Variants in FYB1 observed in about 807,000 individuals in gnomAD.
FYB1 encodes the protein FYN-binding protein 1.
In FYB1, 41 loss-of-function variants were observed where a neutral mutation model predicts 94.1. The observed-to-expected ratio is 0.44, with a 90% confidence interval of 0.34 to 0.57. The LOEUF (loss-of-function observed/expected upper bound fraction) is 0.57, where lower values mean the gene tolerates loss of function less well. Among genes scored for constraint, FYB1 ranks in the 20% least tolerant of loss-of-function variants. The pLI, the probability that FYB1 is intolerant of heterozygous loss-of-function variation, is 0.02. For missense variants in FYB1, 1,050 were observed against 976.8 expected (o/e 1.07, Z -1.00); for synonymous variants, 367 against 353.2 (o/e 1.04, Z -0.44).
At chr5:39,112,280 T>C (rs1272236835) in intron 16 of FYB1, among the ~76,000 whole-genome samples, 1 of 152,004 alleles carries the variant, frequency 6.6e-6, no homozygotes, top group African/African-American at 2.4e-5. Flanking sequence ...TGCTTTCATT[T>C]TGGATTTTTT....
intron 2 of FYB1, among the ~76,000 whole-genome samples, chr5:39,179,692 T>C (rs1305950474): frequency 6.6e-6 from 1 of 152,066 alleles, no homozygotes; most frequent in African/African-American, 2.4e-5. Flanking sequence ...TCTACCAGGC[T>C]GGTCTCAAAC....
At chr5:39,193,839 G>A (rs535807301) in intron 2 of FYB1, among the ~76,000 whole-genome samples, 1 of 152,308 alleles carries the variant, frequency 6.6e-6, no homozygotes, top group South Asian at 2.1e-4. Context: ...CCCTGGAGAC[G>A]AGCACAGCTA....
rs191506218 is a variant in FYB1 at position 39,170,325 on chromosome 5, C to G, written c.1136-16721G>C. ...CTGTCTTTCCAGCAAGATCAACAAA[C>G]CAAGACATGATGGCAGCAGAATAAT... On this transcript the variant is annotated intron_variant, in intron 2 of 18. Transcript: ENST00000512982. 7,432 of 1,348,344 alleles carry G rather than the reference C, an allele frequency of 5.5e-3. 31 individuals carry two copies. Among genetic ancestry groups the G allele is most frequent in the Non-Finnish European group, 6.4e-3 (6,346 of 994,172 alleles). The allele number at this position is 1,348,344 out of a possible 1,614,324, so 83.5% of individuals were successfully genotyped here.
At chr5:39,109,614 C>T (rs1035696509) in intron 17 of FYB1, among the ~76,000 whole-genome samples, 2 of 152,076 alleles carry the variant, frequency 1.3e-5, no homozygotes, top group East Asian at 3.9e-4. Context: ...TGATTGGTGT[C>T]AGGTTGTTGA....
chr5:39,203,285 A>G (rs1011405335), intron 1 of FYB1, among the ~76,000 whole-genome samples: 2 of 152,080 alleles, frequency 1.3e-5, no homozygotes, highest in African/African-American at 4.8e-5. Flanking sequence ...ATCTTGTTGG[A>G]TTTACTCTAA....
chr5:39,133,771 G>C (rs965182550), intron 9 of FYB1, among the ~76,000 whole-genome samples: 10 of 151,848 alleles, frequency 6.6e-5, no homozygotes, highest in African/African-American at 2.4e-4. Context: ...AGCAAACTGG[G>C]GTTGCCATAA....
At chr5:39,185,525 A>AT (rs1554034733) in intron 2 of FYB1, among the ~76,000 whole-genome samples, 2,578 of 137,254 alleles carry the variant, frequency 0.019, 70 homozygotes, top group African/African-American at 0.068. Flanking sequence ...CTAAAAAAAA[A>AT]ATATATATAT....
intron 2 of FYB1, among the ~76,000 whole-genome samples, chr5:39,163,954 C>A (rs936145753): frequency 2.0e-5 from 3 of 152,148 alleles, no homozygotes; most frequent in Non-Finnish European, 4.4e-5. Context: ...CTCAGATGAA[C>A]ACTTTCAATT....
At chr5:39,246,754 T>C (rs961378218) in intron 1 of FYB1, among the ~76,000 whole-genome samples, 1 of 152,048 alleles carries the variant, frequency 6.6e-6, no homozygotes, top group Non-Finnish European at 1.5e-5. Flanking sequence ...ATGTGATAGA[T>C]CCATGTAAAC....
At chr5:39,233,118 T>G in intron 1 of FYB1, among the ~76,000 whole-genome samples, 1 of 152,196 alleles carries the variant, frequency 6.6e-6, no homozygotes, top group Admixed American at 6.5e-5. Flanking sequence ...GTATTTCTAG[T>G]TCTAGATCCC....
intron 2 of FYB1, among the ~76,000 whole-genome samples, chr5:39,194,815 G>GT (rs2150473079): frequency 6.6e-6 from 1 of 152,326 alleles, no homozygotes; most frequent in Non-Finnish European, 1.5e-5. Context: ...CTGATTAATA[G>GT]TAAGTGTGTT....
intron 1 of FYB1, among the ~76,000 whole-genome samples, chr5:39,273,959 CTG>C (rs934457068): frequency 4.6e-5 from 7 of 151,590 alleles, no homozygotes; most frequent in African/African-American, 1.7e-4. Flanking sequence ...GAGTCTTGCT[CTG>C]TCCCCCAGGC....
chr5:39,184,103 A>G (rs1397146015), intron 2 of FYB1, among the ~76,000 whole-genome samples: 9 of 152,214 alleles, frequency 5.9e-5, no homozygotes, highest in Non-Finnish European at 1.2e-4. Context: ...GGTTTTCAGA[A>G]AGAAAGTAAA....
chr5:39,134,800 T>G (rs778608429), intron 8 of FYB1, 55 bp downstream of exon 8: 33 of 1,584,020 alleles, frequency 2.1e-5, no homozygotes, highest in Non-Finnish European at 2.8e-5. Context: ...ATATGTACAT[T>G]GAATATTGCC....
At chr5:39,248,609 TG>T (rs1325371971) in intron 1 of FYB1, among the ~76,000 whole-genome samples, 13 of 151,968 alleles carry the variant, frequency 8.6e-5, no homozygotes. Flanking sequence ...GCGGCTGAGG[TG>T]GGGATCACTT....
chr5:39,271,633 C>T (rs982257155), intron 1 of FYB1, among the ~76,000 whole-genome samples: 2 of 152,096 alleles, frequency 1.3e-5, no homozygotes, highest in African/African-American at 4.8e-5. Context: ...AAAGATGTTA[C>T]CTGTTATTTA....
intron 1 of FYB1, among the ~76,000 whole-genome samples, chr5:39,240,725 G>A (rs1592667): frequency 0.16 from 25,078 of 152,164 alleles, 5,521 homozygotes; most frequent in African/African-American, 0.48. Flanking sequence ...GCTGGTGGAT[G>A]TGTAAATTAG....
chr5:39,155,385 T>C (rs1425046127), intron 2 of FYB1, among the ~76,000 whole-genome samples: 1 of 152,218 alleles, frequency 6.6e-6, no homozygotes, highest in African/African-American at 2.4e-5. Context: ...GAATAGTTCT[T>C]CTTTTGCAGC....
At chr5:39,196,513 T>C (rs1747854614) in intron 2 of FYB1, among the ~76,000 whole-genome samples, 1 of 152,134 alleles carries the variant, frequency 6.6e-6, no homozygotes. Flanking sequence ...TAGAATTCTG[T>C]GAAAGAATAA....
Sources: allele counts gnomAD v4.1 joint callset (sites outside exome capture counted in the v4.1 genomes callset), GRCh38; gene constraint gnomAD v4.1.1; transcripts MANE v1.5; gene names NCBI Gene and HGNC (gene_info 2026-07-23, HGNC 2026-07-21).